The following FREM1 variants were observed in gnomAD, a reference collection of about 807,000 sequenced individuals.
FREM1 encodes the protein FRAS1 related extracellular matrix 1.
In FREM1, 220 loss-of-function variants were observed where a neutral mutation model predicts 210.1. The ratio of observed to expected loss-of-function variants is 1.05; its 90% CI spans 0.94 to 1.17. The LOEUF (loss-of-function observed/expected upper bound fraction) is 1.17, where lower values mean the gene tolerates loss of function less well. Among genes scored for constraint, FREM1 ranks in the 50% most tolerant of loss-of-function variants. FREM1 has a pLI of 0.00. For missense variants in FREM1, 3,454 were observed against 2,675.5 expected (o/e 1.29, Z -6.42); for synonymous variants, 1,189 against 980.2 (o/e 1.21, Z -3.98).
chr9:14,801,766 C>A lies in FREM1; in HGVS notation c.3580G>T (p.Gly1194Cys). Reference protein sequence around the residue: ...LFSITQKPRHGLLIDRGFSKD... With the variant: ...LFSITQKPRHCLLIDRGFSKD... ...CTAAACCCCCTATCGATGAGGAGGCCATGGCGTGGCTTTTGAGTGATGCTG... is the reference window on the plus strand; with the variant it reads ...CTAAACCCCCTATCGATGAGGAGGCAATGGCGTGGCTTTTGAGTGATGCTG... Residue 1194 changes from glycine (G) to cysteine (C), a missense_variant, in exon 20 of 37, where the codon GGC (glycine) becomes TGC (cysteine). Gly to Cys is a radical substitution (Grantham distance 159). Transcript: ENST00000380880. 6.2e-7 allele frequency: 1 copy of A among 1,613,940 alleles called. No individual in the cohort carries two copies. Among genetic ancestry groups the A allele is most frequent in the South Asian group, 1.1e-5 (1 of 91,070 alleles).
At chr9:14,839,862 A>G (rs1464218209) in intron 10 of FREM1, among the ~76,000 whole-genome samples, 1 of 152,238 alleles carries the variant, frequency 6.6e-6, no homozygotes. Context: ...AGTAAATCCT[A>G]TTAACTGTTA....
chr9:14,855,752 A>G (rs1440538138), intron 5 of FREM1, among the ~76,000 whole-genome samples: 2 of 152,198 alleles, frequency 1.3e-5, no homozygotes, highest in Non-Finnish European at 2.9e-5. Context: ...TTAATGATAA[A>G]CAAAGCAAGA....
At chr9:14,903,200 G>A (rs1839083726) in intron 1 of FREM1, among the ~76,000 whole-genome samples, 1 of 152,162 alleles carries the variant, frequency 6.6e-6, no homozygotes, top group African/African-American at 2.4e-5. Context: ...GATCTAATGT[G>A]TGAAAGTAGG....
Position 14,860,938 on chromosome 9 carries a change from C to CATATAT in FREM1, c.330-1455_330-1454insATATAT, listed in dbSNP as rs1230420515. Among the ~76,000 whole-genome samples, 335 of 103,778 alleles carry CATATAT rather than the reference C, an allele frequency of 3.2e-3. 10 individuals carry two copies. The highest frequency in any genetic ancestry group is 4.1e-3 in the Non-Finnish European group (225 of 54,302). The allele number at this position is 103,778 out of a possible 152,430, so 68.1% of individuals were successfully genotyped here. ...ATATACACATATATACACATATACACACATATACACATATACACATATATA... is the reference window on the plus strand; with the variant it reads ...ATATACACATATATACACATATACACATATATACATATACACATATACACATATATA... On this transcript the variant is annotated intron_variant, in intron 3 of 36. Transcript: ENST00000380880.
At position 14,772,796 on chromosome 9, in the gene FREM1, A is replaced by G. The variant is rs1263797609; in HGVS notation, c.4858-1990T>C. 2.0e-5 allele frequency among the ~76,000 whole-genome samples: 3 copies of G among 152,200 alleles called. No homozygotes were observed. In the East Asian group the frequency reaches 5.8e-4, roughly 29 times the overall value. On this transcript the variant is annotated intron_variant, in intron 25 of 36. Transcript: ENST00000380880. ...TGGTTAGTGGAAGAAGAGGAAAATT[A>G]AAGTACTTCTAAGCCATATAAGAAA... is the stretch of plus-strand genomic sequence containing the variant.
At chr9:14,796,330 G>C (rs67034875) in intron 21 of FREM1, among the ~76,000 whole-genome samples, 40,915 of 152,052 alleles carry the variant, frequency 0.27, 5,746 homozygotes, top group Middle Eastern at 0.34. Flanking sequence ...AGTCATCAAG[G>C]AGGTTCCAAG....
rs745465527 is a variant in FREM1 at position 14,884,915 on chromosome 9, C to CTTTTTT, written c.-267-15677_-267-15672dup. On this transcript the variant is annotated intron_variant, in intron 1 of 36. Transcript: ENST00000380880. The stretch of plus-strand genomic sequence containing the variant: ...TCAAGATATCAATAATTCATCATAG[C>CTTTTTT]TTTTTTTTTTTTTTTTTTTTTTTTT... 4.0e-4 allele frequency among the ~76,000 whole-genome samples: 28 copies of CTTTTTT among 70,408 alleles called. 1 individual carries two copies. The highest frequency in any genetic ancestry group is 8.2e-4 in the Admixed American group (4 of 4,874). The allele number at this position is 70,408 out of a possible 152,430, so 46.2% of individuals were successfully genotyped here. A position where few individuals can be genotyped will look rare whatever the true frequency, so the allele number is the denominator to read the frequency against.
chr9:14,864,461 T>C (rs550587593), intron 2 of FREM1, among the ~76,000 whole-genome samples: 2 of 152,356 alleles, frequency 1.3e-5, no homozygotes, highest in East Asian at 3.9e-4. Flanking sequence ...GACCCAGAGT[T>C]GTGTCTTGCA....
At chr9:14,808,278 T>A (rs1390366529) in intron 16 of FREM1, 144 bp from the exon 17 acceptor site, 2 of 558,522 alleles carry the variant, frequency 3.6e-6, no homozygotes, top group Non-Finnish European at 6.0e-6. Flanking sequence ...CCCAATTTTA[T>A]CACTATGAAA....
intron 1 of FREM1, among the ~76,000 whole-genome samples, chr9:14,905,968 G>C (rs1179539963): frequency 6.6e-6 from 1 of 152,018 alleles, no homozygotes; most frequent in Admixed American, 6.6e-5. Context: ...CGGGAGTGGT[G>C]GGTTGAGATC....
intron 5 of FREM1, among the ~76,000 whole-genome samples, chr9:14,856,822 C>T (rs1373399920): frequency 1.5e-5 from 2 of 135,398 alleles, no homozygotes; most frequent in Non-Finnish European, 3.0e-5. Flanking sequence ...GGCGACAGAG[C>T]GAGACTCCGT....
intron 1 of FREM1, among the ~76,000 whole-genome samples, chr9:14,893,372 C>T (rs1288491467): frequency 1.3e-5 from 2 of 152,160 alleles, no homozygotes; most frequent in Non-Finnish European, 2.9e-5. Flanking sequence ...GGCCTAGGAC[C>T]CCATAAGCCT....
At chr9:14,892,423 C>G (rs1165512037) in intron 1 of FREM1, among the ~76,000 whole-genome samples, 2 of 151,960 alleles carry the variant, frequency 1.3e-5, no homozygotes, top group South Asian at 4.2e-4. Context: ...GTTAAAGGCC[C>G]CTCTTAATAA....
At chr9:14,828,638 C>CGGA (rs1822930752) in intron 10 of FREM1, among the ~76,000 whole-genome samples, 1 of 74,926 alleles carries the variant, frequency 1.3e-5, no homozygotes, top group Admixed American at 1.3e-4. Context: ...TAAATTGTGG[C>CGGA]GGGGCGGGGG....
chr9:14,871,935 G>A (rs1832757135), intron 1 of FREM1, among the ~76,000 whole-genome samples: 1 of 152,096 alleles, frequency 6.6e-6, no homozygotes, highest in Admixed American at 6.5e-5. Context: ...TTTCCCCATT[G>A]CTTGTTTTTG....
chr9:14,867,676 A>G (rs1831800099), intron 2 of FREM1, among the ~76,000 whole-genome samples: 1 of 152,132 alleles, frequency 6.6e-6, no homozygotes. Context: ...CTTTTCAATA[A>G]CCTCGTGGAT....
At chr9:14,737,770 A>G (rs1840668426) in intron 36 of FREM1, among the ~76,000 whole-genome samples, 175 bp from the exon 37 acceptor site, 1 of 152,178 alleles carries the variant, frequency 6.6e-6, no homozygotes, top group South Asian at 2.1e-4. Context: ...ATCCCAGTCC[A>G]ATTCTAGCTC....
In FREM1 at chr9:14,890,619, T is replaced by C. The variant is rs1349454690; in HGVS notation, c.-268+19295A>G. Among the ~76,000 whole-genome samples the C allele has an allele frequency of 2.6e-5, 4 of 152,182 alleles. 1 individual carries two copies. The highest frequency in any genetic ancestry group is 4.1e-4 in the South Asian group (2 of 4,830). On this transcript the variant is annotated intron_variant, in intron 1 of 36. Coordinates refer to ENST00000380880, the MANE Select transcript of FREM1 (RefSeq NM_001379081.2). ...CAAGAGACTTAAAATGACTAAAATATAGAATGGCCAGAGGGTATCTAAAAC... is the reference window on the plus strand; with the variant it reads ...CAAGAGACTTAAAATGACTAAAATACAGAATGGCCAGAGGGTATCTAAAAC...
chr9:14,760,280 G>T (rs184418026), intron 27 of FREM1, among the ~76,000 whole-genome samples: 1 of 152,198 alleles, frequency 6.6e-6, no homozygotes, highest in Non-Finnish European at 1.5e-5. Flanking sequence ...AAAAGACACT[G>T]ATAGGAAGTC....
Sources: gnomAD v4.1 joint callset for allele counts (sites outside exome capture counted in the v4.1 genomes callset) on GRCh38, gnomAD v4.1.1 for gene constraint, MANE v1.5 for transcripts, NCBI Gene and HGNC (gene_info 2026-07-23, HGNC 2026-07-21) for gene names.